ADAMTSL3: variants seen among roughly 807,000 people sequenced by gnomAD.
ADAMTSL3 encodes the protein ADAMTS like 3.
Under a neutral mutation model 201.7 loss-of-function variants are expected in ADAMTSL3, and 128 were observed. The ratio of observed to expected loss-of-function variants is 0.63; its 90% CI spans 0.55 to 0.73. The LOEUF (loss-of-function observed/expected upper bound fraction) is 0.73, where lower values mean the gene tolerates loss of function less well. Ranked by LOEUF, ADAMTSL3 falls within the 30% of genes least tolerant of loss-of-function variation. The probability of loss-of-function intolerance (pLI) is 0.00; values close to 1 mark genes in which losing one functional copy is unlikely to be tolerated. For synonymous variants in ADAMTSL3, 738 were observed against 748.4 expected, an observed-to-expected ratio of 0.99 and a Z score of 0.23; for missense variants, 1,990 against 2,119.6, an observed-to-expected ratio of 0.94 and a Z score of 1.20.
intron 7 of ADAMTSL3, among the ~76,000 whole-genome samples, chr15:83,851,908 C>T (rs1439449170): frequency 2.0e-5 from 3 of 152,160 alleles, no homozygotes; most frequent in Non-Finnish European, 4.4e-5. Flanking sequence ...CCACAAACTC[C>T]TAACCAGTTC....
chr15:83,928,787 AT>A (rs2066295004), intron 17 of ADAMTSL3, among the ~76,000 whole-genome samples: 1 of 152,220 alleles, frequency 6.6e-6, no homozygotes. Context: ...TGATTTTATA[AT>A]TTTTAATTTA....
chr15:83,698,712 G>A (rs2061722438), intron 2 of ADAMTSL3, among the ~76,000 whole-genome samples: 1 of 152,144 alleles, frequency 6.6e-6, no homozygotes, highest in South Asian at 2.1e-4. Context: ...CTTGCTTTCT[G>A]AAGCCGTGTG....
chr15:83,823,966 T>TC lies in ADAMTSL3; in HGVS notation c.600+3920dup, dbSNP rs1567169980. Reference sequence around the variant, plus strand: ...TTCTTCTTCTTCTTCTTCTTCTTCTTCTTCTTCTCCTCCTCCTCCTCCTCC... The same window carrying TC: ...TTCTTCTTCTTCTTCTTCTTCTTCTTCCTTCTTCTCCTCCTCCTCCTCCTCC... On this transcript the variant is annotated intron_variant, in intron 6 of 29. Transcript: ENST00000286744. 7.2e-4 allele frequency among the ~76,000 whole-genome samples: 47 copies of TC among 64,880 alleles called. 3 individuals carry two copies. Among genetic ancestry groups the TC allele is most frequent in the South Asian group, 6.6e-3 (14 of 2,122 alleles). The allele number at this position is 64,880 out of a possible 152,430, so 42.6% of individuals were successfully genotyped here.
intron 4 of ADAMTSL3, among the ~76,000 whole-genome samples, chr15:83,802,176 C>T (rs1022439488): frequency 6.6e-6 from 1 of 152,038 alleles, no homozygotes; most frequent in African/African-American, 2.4e-5. Flanking sequence ...TTAAATAATA[C>T]TTAACCAGCC....
intron 6 of ADAMTSL3, among the ~76,000 whole-genome samples, chr15:83,837,742 C>T (rs1208739807): frequency 6.7e-6 from 1 of 149,416 alleles, no homozygotes; most frequent in African/African-American, 2.5e-5. Flanking sequence ...GTTGAGGCTG[C>T]AGTGAGCCAC....
At chr15:83,766,387 TCAGTCAG>T (rs2062891853) in intron 3 of ADAMTSL3, among the ~76,000 whole-genome samples, 1 of 152,198 alleles carries the variant, frequency 6.6e-6, no homozygotes, top group Non-Finnish European at 1.5e-5. Flanking sequence ...TTCATGAACA[TCAGTCAG>T]AAATGCGAAT....
chr15:83,994,586 GTTTTTTTTTTTTTTT>G (rs3045402), intron 23 of ADAMTSL3, among the ~76,000 whole-genome samples: 22 of 50,230 alleles, frequency 4.4e-4, no homozygotes, highest in East Asian at 1.6e-3. Flanking sequence ...TTGTTTTTTC[GTTTTTTTTTTTTTTT>G]TTTTTTTTTT....
intron 2 of ADAMTSL3, among the ~76,000 whole-genome samples, chr15:83,662,579 A>AG (rs2061188356): frequency 7.1e-6 from 1 of 139,902 alleles, no homozygotes; most frequent in African/African-American, 2.7e-5. Context: ...ATAAAAAAAA[A>AG]AAAGAAAAAA....
intron 3 of ADAMTSL3, among the ~76,000 whole-genome samples, chr15:83,736,479 A>C (rs2062371472): frequency 6.6e-6 from 1 of 152,192 alleles, no homozygotes; most frequent in Non-Finnish European, 1.5e-5. Flanking sequence ...CAAACTAAAA[A>C]ATCTGGGAAA....
intron 23 of ADAMTSL3, among the ~76,000 whole-genome samples, chr15:84,011,940 G>T (rs1280344641): frequency 6.6e-6 from 1 of 152,308 alleles, no homozygotes; most frequent in East Asian, 1.9e-4. Flanking sequence ...GAATCAAATT[G>T]TATTGGTATA....
chr15:83,755,942 G>C (rs141019487), intron 3 of ADAMTSL3, among the ~76,000 whole-genome samples: 202 of 152,246 alleles, frequency 1.3e-3, no homozygotes, highest in Middle Eastern at 3.4e-3. Context: ...TGTATTTCTA[G>C]TGGAGACAGG....
At chr15:83,822,331 G>A (rs1462005748) in intron 6 of ADAMTSL3, among the ~76,000 whole-genome samples, 32 of 144,878 alleles carry the variant, frequency 2.2e-4, no homozygotes, top group Non-Finnish European at 6.1e-5. Context: ...GGCGGCTGCC[G>A]GGCGGAGGGG....
chr15:83,889,319 G>A (rs914368376), intron 10 of ADAMTSL3, among the ~76,000 whole-genome samples: 7 of 152,278 alleles, frequency 4.6e-5, no homozygotes, highest in East Asian at 3.9e-4. Context: ...GGTATTGCAG[G>A]TGCCTGTGGC....
chr15:83,828,675 G>A (rs997082350), intron 6 of ADAMTSL3, among the ~76,000 whole-genome samples: 2 of 152,068 alleles, frequency 1.3e-5, no homozygotes, highest in African/African-American at 4.8e-5. Context: ...GTCATAGATA[G>A]CTCTTATTAT....
At chr15:83,811,790 T>G (rs1189876713) in intron 5 of ADAMTSL3, among the ~76,000 whole-genome samples, 1 of 152,234 alleles carries the variant, frequency 6.6e-6, no homozygotes, top group Non-Finnish European at 1.5e-5. Flanking sequence ...TTCATAAGAA[T>G]ATAGCATCAG....
At chr15:83,899,415 T>C (rs2065679740) in intron 14 of ADAMTSL3, among the ~76,000 whole-genome samples, 1 of 87,018 alleles carries the variant, frequency 1.1e-5, no homozygotes, top group Non-Finnish European at 2.0e-5. Flanking sequence ...TTTTCAACTG[T>C]ATCATGTGAT....
rs183384045 is a variant in ADAMTSL3, at chr15:84,001,517, A to G, written c.3973+10303A>G. On this transcript the variant is annotated intron_variant, in intron 23 of 29. Coordinates refer to ENST00000286744, the MANE Select transcript of ADAMTSL3 (RefSeq NM_207517.3). ...ATGTACCTAATGAGTGTGTATACCA[A>G]GATTTAAACCCAATCCTGTGTGACT... Among the ~76,000 whole-genome samples the G allele has an allele frequency of 2.1e-4, 32 of 152,358 alleles. No individual in the cohort carries two copies. In the Middle Eastern group the frequency reaches 0.01, roughly 49 times the overall value.
rs1458509481 is a variant in ADAMTSL3, at chr15:84,023,254, T to C, written c.4457+1661T>C. On this transcript the variant is annotated intron_variant, in intron 26 of 29. Coordinates refer to ENST00000286744, the MANE Select transcript of ADAMTSL3 (RefSeq NM_207517.3). ...GTTGACCAAATAGTACCAAAATCCA[T>C]AGTAAAAACAATTAACAAATAAAAA... is the stretch of plus-strand genomic sequence containing the variant. Among the ~76,000 whole-genome samples, 3 of 152,310 alleles carry C rather than the reference T, an allele frequency of 2.0e-5. No individual in the cohort carries two copies. The East Asian group carries it at 5.8e-4, about 29-fold the overall frequency.
At chr15:83,894,289 G>A (rs1427360649) in intron 13 of ADAMTSL3, among the ~76,000 whole-genome samples, 2 of 151,986 alleles carry the variant, frequency 1.3e-5, no homozygotes, top group African/African-American at 4.8e-5. Context: ...AACTTGCTGG[G>A]GAAGAAGTTA....
Sources: gnomAD v4.1 joint callset for allele counts (sites outside exome capture counted in the v4.1 genomes callset) on GRCh38, gnomAD v4.1.1 for gene constraint, MANE v1.5 for transcripts, NCBI Gene and HGNC (gene_info 2026-07-23, HGNC 2026-07-21) for gene names.